Variants in HYAL2 observed in about 807,000 individuals in gnomAD.
HYAL2 encodes the protein hyaluronidase-2.
Under a neutral mutation model 35.4 loss-of-function variants are expected in HYAL2, and 30 were observed. That is an observed-to-expected ratio of 0.85 (90% CI 0.63 to 1.15). HYAL2 has a LOEUF of 1.15. HYAL2 is among the 50% of genes most tolerant of loss of function. HYAL2 has a pLI of 0.00. For synonymous variants in HYAL2, 262 were observed against 252.8 expected (o/e 1.04, Z -0.34); for missense variants, 635 against 646.5 (o/e 0.98, Z 0.19).
chr3:50,319,117 G>T, intron 2 of HYAL2, 72 bp from the exon 3 acceptor site: 1 of 1,101,546 alleles, frequency 9.1e-7, no homozygotes, highest in Non-Finnish European at 1.3e-6. Context: ...AAGGAGGGCA[G>T]ACCCCAGCCT....
Position 50,320,741 on chromosome 3 carries a change from G to T in HYAL2, c.-46-206C>A, listed in dbSNP as rs1340130014. On this transcript the variant is annotated intron_variant, in intron 1 of 3. Transcript: ENST00000357750. The surrounding 1 kb of genome is among the most constrained non-coding windows in gnomAD (Gnocchi z 4.8). Reference sequence around the variant, plus strand: ...AGCACAGGGCTCTTTTCTGGAGCAGGTAGCCTGTGGCTCGGCACAAATCTC... The same window carrying T: ...AGCACAGGGCTCTTTTCTGGAGCAGTTAGCCTGTGGCTCGGCACAAATCTC... The T allele has an allele frequency of 1.0e-5, 5 of 498,040 alleles. No homozygotes were observed. The highest frequency in any genetic ancestry group is 9.6e-5 in the African/African-American group (5 of 51,932). 30.9% of individuals were successfully genotyped at this position (498,040 alleles called of 1,614,324 possible). A position where few individuals can be genotyped will look rare whatever the true frequency, so the allele number is the denominator to read the frequency against.
Position 50,322,466 on chromosome 3 carries a change from C to G in HYAL2, c.-47+187G>C, listed in dbSNP as rs1702720172. ...CTCCCGGTGGGGGGCAGGCTTAGACCCTGGCGAGCCCCGTGCGAAACCACC... is the reference window on the plus strand; with the variant it reads ...CTCCCGGTGGGGGGCAGGCTTAGACGCTGGCGAGCCCCGTGCGAAACCACC... On this transcript the variant is annotated intron_variant, in intron 1 of 3. Transcript: ENST00000357750. The surrounding 1 kb of genome is among the most constrained non-coding windows in gnomAD (Gnocchi z 5.5). The G allele has an allele frequency of 6.6e-6, 1 of 152,192 alleles. No homozygotes were observed. The highest frequency in any genetic ancestry group is 1.5e-5 in the Non-Finnish European group (1 of 68,056). The allele number at this position is 152,192 out of a possible 1,614,324, so 9.4% of individuals were successfully genotyped here. A position where few individuals can be genotyped will look rare whatever the true frequency, so the allele number is the denominator to read the frequency against.
At chr3:50,321,418 C>CAGCCCAGCCCG (rs1702692937) in intron 1 of HYAL2, 1 of 152,158 alleles carries the variant, frequency 6.6e-6, no homozygotes, top group Non-Finnish European at 1.5e-5. Flanking sequence ...ATCCCGGGCC[C>CAGCCCAGCCCG]AGCCCAGCCC....
rs1287081560 is a variant in HYAL2, at chr3:50,318,497, C to T, written c.1054G>A (p.Val352Ile). The T allele has an allele frequency of 8.7e-6, 14 of 1,610,380 alleles. No homozygotes were observed. Among genetic ancestry groups the T allele is most frequent in the Non-Finnish European group, 1.1e-5 (13 of 1,177,960 alleles). Residue 352 changes from valine (V) to isoleucine (I), a missense_variant, in exon 4 of 4, where the codon GTC becomes ATC. Transcript: ENST00000357750. The surrounding 1 kb of genome is among the most constrained non-coding windows in gnomAD (Gnocchi z 4.5). Reference sequence around the variant, plus strand: ...CAGGACACATTGACCACGTAGGGGACCAGCAGCCGTGTCAGGTAATCTTTG... The same window carrying T: ...CAGGACACATTGACCACGTAGGGGATCAGCAGCCGTGTCAGGTAATCTTTG... ...YLKDYLTRLL[V>I]PYVVNVSWAT... is the part of the protein sequence containing the mutation.
rs782469848 is a variant in HYAL2 at position 50,318,977 on chromosome 3, G to A, written c.990C>T (p.Asp330=). 8.7e-6 allele frequency: 14 copies of A among 1,613,294 alleles called. No individual in the cohort carries two copies. Among genetic ancestry groups the A allele is most frequent in the South Asian group, 7.7e-5 (7 of 91,078 alleles). The change falls in exon 3 of 4, where the codon GAC becomes GAT. Residue 330 remains aspartate (D), a synonymous_variant. Transcript: ENST00000357750. This position sits in a 1 kb window ranked among gnomAD's most constrained non-coding sequence, Gnocchi z 4.5. The stretch of plus-strand genomic sequence containing the variant: ...TTACCGTGCTTGTGGTGTACCCCGC[G>A]TCACCCCAGAGGATGACACCAGCTG... ...LGAAGVILWG[D]AGYTTSTETC... is the part of the protein sequence containing the mutation.
intron 1 of HYAL2, chr3:50,321,128 G>A (rs1223060818): frequency 6.6e-6 from 1 of 152,182 alleles, no homozygotes; most frequent in Non-Finnish European, 1.5e-5. Flanking sequence ...CCGGCCGCCC[G>A]GCCCTTCCCT....
In HYAL2 at chr3:50,318,985, A is replaced by T; in HGVS notation, c.982T>A (p.Trp328Arg). The change falls in exon 3 of 4, where the codon TGG becomes AGG. Residue 328 changes from tryptophan to arginine, a missense_variant. By Grantham distance (101) the Trp-to-Arg change is moderately radical. Coordinates refer to ENST00000357750, the MANE Select transcript of HYAL2 (RefSeq NM_003773.5). This position sits in a 1 kb window ranked among gnomAD's most constrained non-coding sequence, Gnocchi z 4.5. ...AALGAAGVIL[W>R]GDAGYTTSTE... The stretch of plus-strand genomic sequence containing the variant: ...CTTGTGGTGTACCCCGCGTCACCCC[A>T]GAGGATGACACCAGCTGCGCCCAGG... 1.2e-6 allele frequency: 2 copies of T among 1,613,282 alleles called. No homozygotes were observed. Among genetic ancestry groups the T allele is most frequent in the Non-Finnish European group, 8.5e-7 (1 of 1,179,508 alleles).
intron 2 of HYAL2, among the ~76,000 whole-genome samples, 191 bp downstream of exon 2, chr3:50,319,378 G>A (rs1408358668): frequency 7.9e-5 from 12 of 152,174 alleles, no homozygotes; most frequent in African/African-American, 2.9e-4. Context: ...CAGCATCGCT[G>A]TGCCTCAATT....
chr3:50,318,425 A>C lies in HYAL2; in HGVS notation c.1126T>G (p.Cys376Gly). Residue 376 changes from cysteine to glycine, a missense_variant, in exon 4 of 4, where the codon TGT becomes GGT. Cys to Gly is a radical substitution (Grantham distance 159). Coordinates refer to ENST00000357750, the MANE Select transcript of HYAL2 (RefSeq NM_003773.5). This position sits in a 1 kb window ranked among gnomAD's most constrained non-coding sequence, Gnocchi z 4.5. ...CTGGCACTGGGGTTGCGGCGCACAC[A>C]GCGCCCATGGCCATGGCACTGGGCC... is the stretch of plus-strand genomic sequence containing the variant. ...SRAQCHGHGR[C>G]VRRNPSASTF... 6.2e-7 allele frequency: 1 copy of C among 1,613,258 alleles called. No individual in the cohort carries two copies. The highest frequency in any genetic ancestry group is 8.5e-7 in the Non-Finnish European group (1 of 1,180,028).
intron 2 of HYAL2, among the ~76,000 whole-genome samples, chr3:50,319,267 G>A (rs1175377889): frequency 6.6e-6 from 1 of 152,170 alleles, no homozygotes; most frequent in Non-Finnish European, 1.5e-5. Flanking sequence ...GGGCACACTT[G>A]AGCCTAGGTG....
chr3:50,318,312 G>A lies in HYAL2; in HGVS notation c.1239C>T (p.Leu413=), dbSNP rs1553715854. The change falls in exon 4 of 4, where the codon CTC becomes CTT. Residue 413 remains leucine, a synonymous_variant. Transcript: ENST00000357750. This position sits in a 1 kb window ranked among gnomAD's most constrained non-coding sequence, Gnocchi z 4.5. ...GCAGGTGGTCAATGTCGGCCCAACT[G>A]AGCTCCCCCACAGGTCGCAGCTGGG... is the stretch of plus-strand genomic sequence containing the variant. ...GEPQLRPVGE[L]SWADIDHLQT... is the part of the protein sequence containing the mutation. The A allele has an allele frequency of 3.7e-6, 6 of 1,613,526 alleles. No individual in the cohort carries two copies. Among genetic ancestry groups the A allele is most frequent in the East Asian group, 2.2e-5 (1 of 44,884 alleles).
chr3:50,320,218 G>T lies in HYAL2; in HGVS notation c.272C>A (p.Ser91Tyr). The change falls in exon 2 of 4, where the codon TCT becomes TAT. Residue 91 changes from serine to tyrosine, a missense_variant. Coordinates refer to ENST00000357750, the MANE Select transcript of HYAL2 (RefSeq NM_003773.5). This position sits in a 1 kb window ranked among gnomAD's most constrained non-coding sequence, Gnocchi z 4.8. Reference protein sequence around the residue: ...DRLGLYPRFDSAGRSVHGGVP... With the variant: ...DRLGLYPRFDYAGRSVHGGVP... ...ACCACCATGCACAGACCTTCCGGCA[G>T]AATCGAAGCGTGGATACAGGCCTAG... 6.2e-7 allele frequency: 1 copy of T among 1,614,014 alleles called. No individual in the cohort carries two copies. The highest frequency in any genetic ancestry group is 1.1e-5 in the South Asian group (1 of 91,088).
rs1553716496 is a variant in HYAL2, at chr3:50,320,460, T to C, written c.30A>G (p.Thr10=). 5 of 1,568,200 alleles carry C rather than the reference T, an allele frequency of 3.2e-6. No individual in the cohort carries two copies. The highest frequency in any genetic ancestry group is 1.3e-5 in the African/African-American group (1 of 74,262). MRAGPGPTV[T]LALVLAVSWA... is the part of the protein sequence containing the mutation. ...ATGACACCGCCAGCACCAGGGCCAA[T>C]GTAACGGTGGGGCCTGGGCCTGCCC... Residue 10 remains threonine (T), a synonymous_variant, in exon 2 of 4, where the codon ACA becomes ACG. Coordinates refer to ENST00000357750, the MANE Select transcript of HYAL2 (RefSeq NM_003773.5). The surrounding 1 kb of genome is among the most constrained non-coding windows in gnomAD (Gnocchi z 4.8).
Position 50,318,041 on chromosome 3 carries a change from C to T in HYAL2, c.*88G>A. 7.1e-7 allele frequency: 1 copy of T among 1,413,674 alleles called. No homozygotes were observed. Among genetic ancestry groups the T allele is most frequent in the Non-Finnish European group, 9.6e-7 (1 of 1,045,202 alleles). 87.6% of individuals were successfully genotyped at this position (1,413,674 alleles called of 1,614,324 possible). On this transcript the variant is annotated 3_prime_UTR_variant, in exon 4 of 4. Coordinates refer to ENST00000357750, the MANE Select transcript of HYAL2 (RefSeq NM_003773.5). This position sits in a 1 kb window ranked among gnomAD's most constrained non-coding sequence, Gnocchi z 4.5. ...TGGGGGCTCTGCCCACTCCAGACTC[C>T]AGTTTGTCCACCCCCTGCAGGGTCC...
rs587701585 is a variant in HYAL2, at chr3:50,318,750, C to T, written c.1011+206G>A. On this transcript the variant is annotated intron_variant, in intron 3 of 3. Transcript: ENST00000357750. This position sits in a 1 kb window ranked among gnomAD's most constrained non-coding sequence, Gnocchi z 4.5. ...ACCCAGTTGGGCAGATGGGGAAGGG[C>T]GGAACTCAACAGCTGTTCAGGACAG... 1.7e-5 allele frequency: 11 copies of T among 661,002 alleles called. No homozygotes were observed. The highest frequency in any genetic ancestry group is 2.8e-5 in the Admixed American group (1 of 35,840). 40.9% of individuals were successfully genotyped at this position (661,002 alleles called of 1,614,324 possible). A position where few individuals can be genotyped will look rare whatever the true frequency, so the allele number is the denominator to read the frequency against.
rs587736102 is a variant in HYAL2, at chr3:50,317,951, A to AG, written c.*177dup. On this transcript the variant is annotated 3_prime_UTR_variant, in exon 4 of 4. Transcript: ENST00000357750. ...CTGGCAGGGAGAGAAGGGGCCTCCC[A>AG]GGGACTTCCCCTCCCCCTTAGAACA... 1,158 of 611,044 alleles carry AG rather than the reference A, an allele frequency of 1.9e-3. 14 individuals carry two copies. The African/African-American group carries it at 0.02, about 10-fold the overall frequency. The allele number at this position is 611,044 out of a possible 1,614,324, so 37.9% of individuals were successfully genotyped here.
rs1553716000 is a variant in HYAL2 at position 50,318,955 on chromosome 3, C to T, written c.1011+1G>A. 1 of 1,613,338 alleles carries T rather than the reference C, an allele frequency of 6.2e-7. No homozygotes were observed. The highest frequency in any genetic ancestry group is 1.1e-5 in the South Asian group (1 of 91,078). On this transcript the variant is annotated splice_donor_variant, in intron 3 of 3. Coordinates refer to ENST00000357750, the MANE Select transcript of HYAL2 (RefSeq NM_003773.5). LOFTEE classifies it high-confidence loss of function. The surrounding 1 kb of genome is among the most constrained non-coding windows in gnomAD (Gnocchi z 4.5). Reference sequence around the variant, plus strand: ...GCTCTGGCAGGCTGGGTCTCGCTTACCGTGCTTGTGGTGTACCCCGCGTCA... The same window carrying T: ...GCTCTGGCAGGCTGGGTCTCGCTTATCGTGCTTGTGGTGTACCCCGCGTCA...
Position 50,320,088 on chromosome 3 carries a change from C to T in HYAL2, c.402G>A (p.Trp134Ter). 1 of 1,613,686 alleles carries T rather than the reference C, an allele frequency of 6.2e-7. No individual in the cohort carries two copies. Among genetic ancestry groups the T allele is most frequent in the Non-Finnish European group, 8.5e-7 (1 of 1,180,028 alleles). Residue 134 changes from tryptophan (W) to a stop codon, truncating the protein, a stop_gained, in exon 2 of 4, where the codon TGG becomes TGA. Coordinates refer to ENST00000357750, the MANE Select transcript of HYAL2 (RefSeq NM_003773.5). LOFTEE classifies it high-confidence loss of function. This position sits in a 1 kb window ranked among gnomAD's most constrained non-coding sequence, Gnocchi z 4.8. ...GCACCCACACAGGTCGCCAGTCCTCCCAGTCGATGACCGCCAGCCCCGCAG... is the reference window on the plus strand; with the variant it reads ...GCACCCACACAGGTCGCCAGTCCTCTCAGTCGATGACCGCCAGCCCCGCAG... ...QESAGLAVID[W>*]EDWRPVWVRN... is the part of the protein sequence containing the mutation.
Position 50,318,240 on chromosome 3 carries a change from T to C in HYAL2, c.1311A>G (p.Gln437=), listed in dbSNP as rs782118213. The C allele has an allele frequency of 5.6e-6, 9 of 1,613,500 alleles. No individual in the cohort carries two copies. Among genetic ancestry groups the C allele is most frequent in the Non-Finnish European group, 7.6e-6 (9 of 1,180,010 alleles). ...CQCYLGWSGE[Q]CQWDHRQAAG... ...CTGCCTGCCTATGGTCCCACTGGCATTGCTCACCACTCCAGCCCAAGTAGC... is the reference window on the plus strand; with the variant it reads ...CTGCCTGCCTATGGTCCCACTGGCACTGCTCACCACTCCAGCCCAAGTAGC... The change falls in exon 4 of 4, where the codon CAA becomes CAG. Residue 437 remains glutamine (Q), a synonymous_variant. Coordinates refer to ENST00000357750, the MANE Select transcript of HYAL2 (RefSeq NM_003773.5). This position sits in a 1 kb window ranked among gnomAD's most constrained non-coding sequence, Gnocchi z 4.5.
Sources: gnomAD v4.1 joint callset for allele counts (sites outside exome capture counted in the v4.1 genomes callset) on GRCh38, gnomAD v4.1.1 for gene constraint, Gnocchi (gnomAD v3.1) non-coding constraint, MANE v1.5 for transcripts, NCBI Gene and HGNC (gene_info 2026-07-23, HGNC 2026-07-21) for gene names.